Variants in MRPL28 observed in about 807,000 individuals in gnomAD.
MRPL28 encodes the protein mitochondrial ribosomal protein L28.
MRPL28 carries 25 observed loss-of-function variants against 26.2 expected under a neutral mutation model. The ratio of observed to expected loss-of-function variants is 0.95; its 90% confidence interval spans 0.69 to 1.33. The LOEUF is 1.33. Among genes scored for constraint, MRPL28 ranks in the 40% most tolerant of loss-of-function variants. The pLI is 0.00. For synonymous variants in MRPL28, 227 were observed against 140.1 expected (o/e 1.62, Z -4.38); for missense variants, 432 against 327.2 (o/e 1.32, Z -2.47).
chr16:368,485 G>A lies in MRPL28; in HGVS notation c.576+16C>T. 2 of 1,609,330 alleles carry A rather than the reference G, an allele frequency of 1.2e-6. No individual in the cohort carries two copies. Among genetic ancestry groups the A allele is most frequent in the Non-Finnish European group, 1.7e-6 (2 of 1,177,122 alleles). On this transcript the variant is annotated intron_variant, in intron 4 of 5. Transcript: ENST00000199706. ...CACGAGTCCCCAGGTGTAGGGAGCGGGACGGAAACCCTCACCTTGTACTTG... is the reference window on the plus strand; with the variant it reads ...CACGAGTCCCCAGGTGTAGGGAGCGAGACGGAAACCCTCACCTTGTACTTG...
intron 5 of MRPL28, 133 bp from the exon 6 acceptor site, chr16:367,915 T>C: frequency 1.4e-6 from 1 of 705,968 alleles, no homozygotes; most frequent in Non-Finnish European, 2.4e-6. Flanking sequence ...GTCCTGTCGG[T>C]GAGATGAGGA....
chr16:367,647 G>A lies in MRPL28; in HGVS notation c.*28C>T. The A allele has an allele frequency of 6.3e-7, 1 of 1,594,188 alleles. No individual in the cohort carries two copies. The highest frequency in any genetic ancestry group is 1.1e-5 in the South Asian group (1 of 90,546). ...GGGCCTGGCAGGGAAAGCTGGGCCT[G>A]TTGGTCAGGCATGGAGGAGCTGTGT... On this transcript the variant is annotated 3_prime_UTR_variant, in exon 6 of 6. Transcript: ENST00000199706.
chr16:368,762 C>T, intron 3 of MRPL28, 127 bp from the exon 4 acceptor site: 1 of 1,403,118 alleles, frequency 7.1e-7, no homozygotes, highest in Non-Finnish European at 9.5e-7. Context: ...CCGGGTGGGG[C>T]CGCCTCAGCA....
chr16:369,289 C>T (rs1597151639), intron 2 of MRPL28, 69 bp from the exon 3 acceptor site: 2 of 1,551,364 alleles, frequency 1.3e-6, no homozygotes, highest in East Asian at 2.3e-5. Flanking sequence ...GCCCAGGCAA[C>T]TGCCCTCACC....
Position 367,578 on chromosome 16 carries a change from C to A in MRPL28, c.*97G>T. 9.2e-7 allele frequency: 1 copy of A among 1,085,770 alleles called. No individual in the cohort carries two copies. The highest frequency in any genetic ancestry group is 1.4e-6 in the Non-Finnish European group (1 of 722,836). The allele number at this position is 1,085,770 out of a possible 1,614,324, so 67.3% of individuals were successfully genotyped here. On this transcript the variant is annotated 3_prime_UTR_variant, in exon 6 of 6. Transcript: ENST00000199706. ...AAACCAGGATCCACCCACTGCCCAC[C>A]GGTGGCCCTCACAGCTCCCCGGGAT...
Position 369,167 on chromosome 16 carries a change from G to A in MRPL28, c.342C>T (p.Phe114=), listed in dbSNP as rs1315538140. The A allele has an allele frequency of 6.2e-7, 1 of 1,613,930 alleles. No homozygotes were observed. Among genetic ancestry groups the A allele is most frequent in the Non-Finnish European group, 8.5e-7 (1 of 1,179,964 alleles). ...ACTTCTTGTCCAGGATCTCACTGTA[G>A]AACTCTCGCTCAAACAGCTGTGGCT... The part of the protein sequence containing the change: ...VWKPQLFERE[F]YSEILDKKFT... The change falls in exon 3 of 6, where the codon TTC becomes TTT. Residue 114 remains phenylalanine, a synonymous_variant. Coordinates refer to ENST00000199706, the MANE Select transcript of MRPL28 (RefSeq NM_006428.5).
chr16:369,004 C>T (rs2054289196), intron 3 of MRPL28, 64 bp downstream of exon 3: 16 of 1,564,370 alleles, frequency 1.0e-5, no homozygotes, highest in Non-Finnish European at 1.4e-5. Context: ...TGACCTGGGG[C>T]TCCCGTGAGT....
In MRPL28 at chr16:367,430, G is replaced by C. The variant is rs1317484453; in HGVS notation, c.*245C>G. ...AGACTTTACTCGCTCCCGGCCCCAC[G>C]GGCACAAGGAACACTGCCGCAAACG... is the stretch of plus-strand genomic sequence containing the variant. On this transcript the variant is annotated 3_prime_UTR_variant, in exon 6 of 6. Transcript: ENST00000199706. 4.2e-6 allele frequency: 3 copies of C among 713,318 alleles called. No individual in the cohort carries two copies. Among genetic ancestry groups the C allele is most frequent in the Non-Finnish European group, 7.9e-6 (3 of 382,014 alleles). 44.2% of individuals were successfully genotyped at this position (713,318 alleles called of 1,614,324 possible). A position where few individuals can be genotyped will look rare whatever the true frequency, so the allele number is the denominator to read the frequency against.
intron 4 of MRPL28, 37 bp from the exon 5 acceptor site, chr16:368,451 G>A: frequency 1.2e-6 from 2 of 1,613,412 alleles, no homozygotes; most frequent in Admixed American, 1.7e-5. Flanking sequence ...GTGAGGCCCA[G>A]GGCCGGGCCA....
chr16:367,214 A>G lies in MRPL28; in HGVS notation c.*461T>C, dbSNP rs1481221989. Among the ~76,000 whole-genome samples the G allele has an allele frequency of 6.6e-6, 1 of 152,186 alleles. No homozygotes were observed. The highest frequency in any genetic ancestry group is 1.5e-5 in the Non-Finnish European group (1 of 68,020). ...AGCAAGACTCCGTCTCAAAAAAAGA[A>G]AAGAAAAAAAAACACAAAACACAGA... On this transcript the variant is annotated 3_prime_UTR_variant, in exon 6 of 6. Transcript: ENST00000199706.
intron 2 of MRPL28, 80 bp from the exon 3 acceptor site, chr16:369,300 TCC>T (rs1056361449): frequency 1.3e-6 from 2 of 1,520,780 alleles, no homozygotes; most frequent in Non-Finnish European, 1.8e-6. Flanking sequence ...TGCCCTCACC[TCC>T]CCCCCGGAGG....
Position 368,652 on chromosome 16 carries a change from A to G in MRPL28, c.442-17T>C. 1.3e-6 allele frequency: 2 copies of G among 1,535,854 alleles called. No homozygotes were observed. The highest frequency in any genetic ancestry group is 1.8e-6 in the Non-Finnish European group (2 of 1,141,162). ...CTTCGGGGTCTGGCAGAAGGCTCAC[A>G]TGGGGCCAGGTGCTGGTGGCAGGGC... On this transcript the variant is annotated splice_polypyrimidine_tract_variant and intron_variant, in intron 3 of 5. Transcript: ENST00000199706.
Position 367,623 on chromosome 16 carries a change from G to T in MRPL28, c.*52C>A, listed in dbSNP as rs956619329. On this transcript the variant is annotated 3_prime_UTR_variant, in exon 6 of 6. Coordinates refer to ENST00000199706, the MANE Select transcript of MRPL28 (RefSeq NM_006428.5). Reference sequence around the variant, plus strand: ...CGGGATCTGTGTCCTCAGTGCAAAGGGCCTGGCAGGGAAAGCTGGGCCTGT... The same window carrying T: ...CGGGATCTGTGTCCTCAGTGCAAAGTGCCTGGCAGGGAAAGCTGGGCCTGT... 12 of 1,516,230 alleles carry T rather than the reference G, an allele frequency of 7.9e-6. No individual in the cohort carries two copies. Among genetic ancestry groups the T allele is most frequent in the Non-Finnish European group, 1.1e-5 (12 of 1,094,264 alleles). 93.9% of individuals were successfully genotyped at this position (1,516,230 alleles called of 1,614,324 possible). A position where few individuals can be genotyped will look rare whatever the true frequency, so the allele number is the denominator to read the frequency against.
chr16:368,270 C>G (rs1351648313), intron 5 of MRPL28, 58 bp downstream of exon 5: 2 of 1,589,270 alleles, frequency 1.3e-6, no homozygotes, highest in South Asian at 1.1e-5. Context: ...CAGCACACTC[C>G]CAGACCCTGA....
rs200810702 is a variant in MRPL28, at chr16:369,267, A to T, written c.289-47T>A. ...CATGAGTACTGCTGCTTTCTCTTAC[A>T]TACCAAGGGGGGCCCAGGCAACTGC... On this transcript the variant is annotated intron_variant, in intron 2 of 5. Coordinates refer to ENST00000199706, the MANE Select transcript of MRPL28 (RefSeq NM_006428.5). 8.5e-4 allele frequency: 1,261 copies of T among 1,478,274 alleles called. 13 individuals carry two copies. The highest frequency in any genetic ancestry group is 3.8e-4 in the Non-Finnish European group (429 of 1,118,960). The allele number at this position is 1,478,274 out of a possible 1,614,324, so 91.6% of individuals were successfully genotyped here.
chr16:368,669 T>G, intron 3 of MRPL28, 34 bp from the exon 4 acceptor site: 11 of 1,522,962 alleles, frequency 7.2e-6, no homozygotes, highest in Non-Finnish European at 9.7e-6. Context: ...CAGGTGCTGG[T>G]GGCAGGGCCC....
In MRPL28 at chr16:369,051, C is replaced by T. The variant is rs775163591; in HGVS notation, c.441+17G>A. 140 of 1,611,500 alleles carry T rather than the reference C, an allele frequency of 8.7e-5. No individual in the cohort carries two copies. Among genetic ancestry groups the T allele is most frequent in the Non-Finnish European group, 1.1e-4 (131 of 1,179,048 alleles). On this transcript the variant is annotated intron_variant, in intron 3 of 5. Transcript: ENST00000199706. ...ATCCCAGACCCTGTGTGCACTGACT[C>T]GCCCCACCCCGCTTGCCTTGAGGAT... is the stretch of plus-strand genomic sequence containing the variant.
Position 367,794 on chromosome 16 carries a change from A to T in MRPL28, c.664-12T>A. On this transcript the variant is annotated splice_polypyrimidine_tract_variant and intron_variant, in intron 5 of 5. Coordinates refer to ENST00000199706, the MANE Select transcript of MRPL28 (RefSeq NM_006428.5). ...AGGGGTACAGGGTCCTGAAGGAGAG[A>T]GGGGCTCATGGTGAGGCCAGGGAAG... The T allele has an allele frequency of 1.2e-6, 2 of 1,611,034 alleles. No homozygotes were observed. Among genetic ancestry groups the T allele is most frequent in the Non-Finnish European group, 1.7e-6 (2 of 1,177,804 alleles).
chr16:369,247 G>A, intron 2 of MRPL28, 27 bp from the exon 3 acceptor site: 2 of 1,608,446 alleles, frequency 1.2e-6, no homozygotes, highest in East Asian at 2.2e-5. Context: ...GCCTCCATGA[G>A]TACTGCTGCT....
Sources: gnomAD v4.1 joint callset for allele counts (sites outside exome capture counted in the v4.1 genomes callset) on GRCh38, gnomAD v4.1.1 for gene constraint, MANE v1.5 for transcripts, NCBI Gene and HGNC (gene_info 2026-07-23, HGNC 2026-07-21) for gene names.